CRYAB: variants seen among roughly 807,000 people sequenced by gnomAD.
CRYAB encodes crystallin alpha B, also known as alpha-crystallin B chain.
Under a neutral mutation model 12.7 loss-of-function variants are expected in CRYAB, and 9 were observed. That is an observed-to-expected ratio of 0.71 (90% CI 0.43 to 1.24). The LOEUF (loss-of-function observed/expected upper bound fraction) is 1.24, where lower values mean the gene tolerates loss of function less well. CRYAB is among the 50% of genes most tolerant of loss of function. The pLI, the probability that CRYAB is intolerant of heterozygous loss-of-function variation, is 0.00. For synonymous variants in CRYAB, 93 were observed against 86.8 expected, an observed-to-expected ratio of 1.07 and a Z score of -0.40; for missense variants, 183 against 226.6, an observed-to-expected ratio of 0.81 and a Z score of 1.24.
Position 111,911,689 on chromosome 11 carries a change from G to C in CRYAB, c.36C>G (p.Arg12=). The part of the protein sequence containing the change: ...DIAIHHPWIR[R]PFFPFHSPSR... ...TGGGGGAGTGGAAAGGAAAGAAGGG[G>C]CGGCGGATCCAGGGGTGGTGGATGG... The change falls in exon 1 of 3, where the codon CGC becomes CGG. Residue 12 remains arginine (R), a synonymous_variant. Coordinates refer to ENST00000650687, the MANE Select transcript of CRYAB (RefSeq NM_001289808.2). The C allele has an allele frequency of 6.2e-7, 1 of 1,602,014 alleles. No individual in the cohort carries two copies. The highest frequency in any genetic ancestry group is 8.5e-7 in the Non-Finnish European group (1 of 1,174,536).
intron 2 of CRYAB, 171 bp downstream of exon 2, chr11:111,910,156 G>A (rs1965406870): frequency 1.2e-6 from 1 of 804,810 alleles, no homozygotes; most frequent in Non-Finnish European, 2.1e-6. Context: ...AGTAACAACA[G>A]CAATATGTCT....
chr11:111,912,643 C>A (rs926863564), upstream of CRYAB: 29 of 608,280 alleles, frequency 4.8e-5, no homozygotes, highest in Middle Eastern at 2.2e-3. Flanking sequence ...CTGGTCACAC[C>A]CTCGTTGCTC....
At chr11:111,920,793 A>G (rs1463589341) in intron 1 of CRYAB, among the ~76,000 whole-genome samples, 1 of 152,150 alleles carries the variant, frequency 6.6e-6, no homozygotes, top group Non-Finnish European at 1.5e-5. Context: ...AAAGGGCAGA[A>G]GTAGGAAAAA....
chr11:111,913,049 C>A (rs546158321), upstream of CRYAB: 22 of 701,068 alleles, frequency 3.1e-5, no homozygotes, highest in East Asian at 1.4e-4. Context: ...AGCCACCCCC[C>A]ACCCCAGACT....
upstream of CRYAB, chr11:111,912,376 T>C (rs762550): frequency 0.7 from 128,821 of 183,876 alleles, 45,773 homozygotes; most frequent in African/African-American, 0.83. Flanking sequence ...CATCTTTCGT[T>C]CTATGTGGCT....
At chr11:111,915,730 TA>T (rs1381824296), upstream of CRYAB, among the ~76,000 whole-genome samples, 1 of 152,148 alleles carries the variant, frequency 6.6e-6, no homozygotes, top group Admixed American at 6.5e-5. Context: ...CTTCTCACGG[TA>T]GTCGTTTCCA....
At chr11:111,909,867 G>A in intron 2 of CRYAB, 1 of 431,924 alleles carries the variant, frequency 2.3e-6, no homozygotes, top group South Asian at 2.9e-5. Flanking sequence ...TACCTAATCA[G>A]TGGTTCTCAA....
At chr11:111,916,313 C>T (rs748960464), upstream of CRYAB, among the ~76,000 whole-genome samples, 38 of 151,812 alleles carry the variant, frequency 2.5e-4, no homozygotes, top group Non-Finnish European at 2.1e-4. Context: ...TCACTGCAAC[C>T]TCCTCCTCCT....
At chr11:111,919,037 T>C in intron 1 of CRYAB, 1 of 1,613,186 alleles carries the variant, frequency 6.2e-7, no homozygotes, top group East Asian at 2.2e-5. Context: ...GGGGAACATC[T>C]ATCTCTGTTG....
At chr11:111,913,336 TC>T, upstream of CRYAB, 1 of 856,838 alleles carries the variant, frequency 1.2e-6, no homozygotes, top group Non-Finnish European at 1.9e-6. Context: ...TCCTCCTGAC[TC>T]CCCTCTTGCT....
At chr11:111,915,702 A>C (rs1566418463), upstream of CRYAB, among the ~76,000 whole-genome samples, 1 of 152,218 alleles carries the variant, frequency 6.6e-6, no homozygotes, top group East Asian at 1.9e-4. Flanking sequence ...GACATTCTGA[A>C]TAACAGACAA....
intron 1 of CRYAB, chr11:111,919,077 A>G (rs1965644933): frequency 1.3e-6 from 2 of 1,555,288 alleles, no homozygotes; most frequent in African/African-American, 1.4e-5. Context: ...AAATCAGAGG[A>G]CCTGGAGATA....
upstream of CRYAB, among the ~76,000 whole-genome samples, chr11:111,914,951 T>C (rs1290192341): frequency 6.6e-6 from 1 of 152,126 alleles, no homozygotes; most frequent in Non-Finnish European, 1.5e-5. Context: ...GGTGCATGCC[T>C]GTAGTCCCAG....
upstream of CRYAB, chr11:111,913,607 G>T: frequency 6.2e-7 from 1 of 1,614,202 alleles, no homozygotes; most frequent in Non-Finnish European, 8.5e-7. Flanking sequence ...CCCCAGACGA[G>T]GTGACTGTGA....
At chr11:111,912,399 A>G (rs918033489), upstream of CRYAB, 1 of 204,448 alleles carries the variant, frequency 4.9e-6, no homozygotes, top group Non-Finnish European at 9.9e-6. Context: ...CAGAACATTA[A>G]ATCCAGGAGT....
upstream of CRYAB, chr11:111,914,199 C>A (rs4252591): frequency 3.1e-6 from 1 of 326,216 alleles, no homozygotes; most frequent in Non-Finnish European, 5.6e-6. Flanking sequence ...ATGTGCCCAA[C>A]GTCATAGGAC....
upstream of CRYAB, among the ~76,000 whole-genome samples, chr11:111,917,830 C>A (rs1965621453): frequency 6.6e-6 from 1 of 151,894 alleles, no homozygotes. Flanking sequence ...CAGATTGAGA[C>A]CCTGTCTTTA....
At chr11:111,910,551 A>G (rs1965421190) in intron 1 of CRYAB, 102 bp from the exon 2 acceptor site, 1 of 1,408,078 alleles carries the variant, frequency 7.1e-7, no homozygotes, top group Admixed American at 1.7e-5. Context: ...TGTCCGGGTA[A>G]TTCATCCTTC....
At position 111,910,490 on chromosome 11, in the gene CRYAB, G is replaced by A. The variant is rs569083095; in HGVS notation, c.202-41C>T. On this transcript the variant is annotated intron_variant, in intron 1 of 2. Transcript: ENST00000650687. ...TAAGGGAATGGGATGGGAGAAAGAGGGCAAAAATACTGATTACACAGGTGC... is the reference window on the plus strand; with the variant it reads ...TAAGGGAATGGGATGGGAGAAAGAGAGCAAAAATACTGATTACACAGGTGC... The A allele has an allele frequency of 6.2e-6, 10 of 1,613,034 alleles. No homozygotes were observed. The African/African-American group carries it at 9.3e-5, about 15-fold the overall frequency.
Sources: allele counts gnomAD v4.1 joint callset (sites outside exome capture counted in the v4.1 genomes callset), GRCh38; gene constraint gnomAD v4.1.1; transcripts MANE v1.5; gene names NCBI Gene and HGNC (gene_info 2026-07-23, HGNC 2026-07-21).